Variants in UNC13C observed in about 807,000 individuals in gnomAD.
The protein encoded by UNC13C is unc-13 homolog C, also known as protein unc-13 homolog C.
Under a neutral mutation model 245.4 loss-of-function variants are expected in UNC13C, and 174 were observed. The ratio of observed to expected loss-of-function variants is 0.71; its 90% CI spans 0.63 to 0.80. The LOEUF (loss-of-function observed/expected upper bound fraction) is 0.80. Ranked by LOEUF, UNC13C falls within the 30% of genes least tolerant of loss-of-function variation. UNC13C has a pLI of 0.00. For synonymous variants in UNC13C, 992 were observed against 895.1 expected, an observed-to-expected ratio of 1.11 and a Z score of -1.93; for missense variants, 2,829 against 2,602.9, an observed-to-expected ratio of 1.09 and a Z score of -1.89.
chr15:54,480,611 A>G (rs1051193853), intron 19 of UNC13C, among the ~76,000 whole-genome samples: 34 of 151,954 alleles, frequency 2.2e-4, no homozygotes, highest in African/African-American at 8.2e-4. Context: ...TATTCAGATT[A>G]TGAATTTTCT....
At chr15:54,325,891 G>A (rs1215244152) in intron 14 of UNC13C, among the ~76,000 whole-genome samples, 1 of 151,914 alleles carries the variant, frequency 6.6e-6, no homozygotes, top group South Asian at 2.1e-4. Context: ...TTATCTGCTT[G>A]GGTAGGGATT....
At chr15:54,151,571 T>G (rs2141250850) in intron 4 of UNC13C, among the ~76,000 whole-genome samples, 1 of 152,086 alleles carries the variant, frequency 6.6e-6, no homozygotes, top group African/African-American at 2.4e-5. Context: ...CCTGGCTAAT[T>G]TTTTTGTATT....
chr15:54,555,082 G>T (rs914769272), intron 28 of UNC13C, among the ~76,000 whole-genome samples: 1 of 151,926 alleles, frequency 6.6e-6, no homozygotes, highest in African/African-American at 2.4e-5. Context: ...TCCTTTTCAT[G>T]ATTGATAGTC....
intron 14 of UNC13C, among the ~76,000 whole-genome samples, chr15:54,326,656 G>A (rs2140987179): frequency 6.6e-6 from 1 of 152,142 alleles, no homozygotes; most frequent in South Asian, 2.1e-4. Context: ...AGTGGGGAAA[G>A]GGACAGAGAG....
At chr15:54,232,651 A>G (rs2035584404) in intron 4 of UNC13C, among the ~76,000 whole-genome samples, 1 of 152,180 alleles carries the variant, frequency 6.6e-6, no homozygotes, top group Non-Finnish European at 1.5e-5. Flanking sequence ...TCTGAATTGA[A>G]TGTGTTTCTT....
intron 17 of UNC13C, among the ~76,000 whole-genome samples, chr15:54,345,164 T>C (rs983373709): frequency 2.0e-5 from 3 of 152,222 alleles, no homozygotes; most frequent in African/African-American, 7.2e-5. Flanking sequence ...GGAAGTAATG[T>C]GAGCAATGCT....
chr15:54,281,061 G>T (rs2036983602), intron 10 of UNC13C, among the ~76,000 whole-genome samples: 1 of 151,996 alleles, frequency 6.6e-6, no homozygotes, highest in Non-Finnish European at 1.5e-5. Context: ...GCCTCCCAAA[G>T]TGCTGGGATT....
intron 1 of UNC13C, among the ~76,000 whole-genome samples, chr15:54,005,108 A>T (rs1895077348): frequency 6.6e-6 from 1 of 152,146 alleles, no homozygotes; most frequent in Admixed American, 6.5e-5. Context: ...GTCCTGAGGG[A>T]TATCCTGATA....
At chr15:53,895,834 A>T in the UNC13C span, among the ~76,000 whole-genome samples, 1 of 152,082 alleles carries the variant, frequency 6.6e-6, no homozygotes, top group African/African-American at 2.4e-5. Context: ...ATGAACTAAG[A>T]CTAACATTAA....
chr15:54,302,683 G>C (rs539073585), intron 13 of UNC13C, among the ~76,000 whole-genome samples: 1 of 152,114 alleles, frequency 6.6e-6, no homozygotes, highest in African/African-American at 2.4e-5. Context: ...ATGCTGTTTG[G>C]TTTACTTAAG....
intron 18 of UNC13C, among the ~76,000 whole-genome samples, chr15:54,408,358 T>C (rs557305622): frequency 6.6e-6 from 1 of 152,064 alleles, no homozygotes; most frequent in Non-Finnish European, 1.5e-5. Flanking sequence ...TTACATCTCC[T>C]CTAAATATCA....
rs1428474297 is a variant in UNC13C at position 54,460,825 on chromosome 15, A to G, written c.4934-33783A>G. 2.6e-5 allele frequency among the ~76,000 whole-genome samples: 4 copies of G among 152,312 alleles called. No homozygotes were observed. In the East Asian group the frequency reaches 5.8e-4, roughly 22 times the overall value. ...CTCCACACACTGTTCTGTCCATCCA[A>G]GTGGGAGCTGCACGTTAGTCCTGTC... On this transcript the variant is annotated intron_variant, in intron 19 of 32. Coordinates refer to ENST00000260323, the MANE Select transcript of UNC13C (RefSeq NM_001080534.3).
intron 17 of UNC13C, among the ~76,000 whole-genome samples, chr15:54,386,048 A>G (rs2140906795): frequency 6.6e-6 from 1 of 152,250 alleles, no homozygotes; most frequent in South Asian, 2.1e-4. Flanking sequence ...CTTCTCATTC[A>G]AGATATATAA....
chr15:53,949,950 T>C, the UNC13C span, among the ~76,000 whole-genome samples: 2 of 152,248 alleles, frequency 1.3e-5, no homozygotes, highest in African/African-American at 4.8e-5. Context: ...CTCTGCTATT[T>C]GTTTTTTCAT....
intron 17 of UNC13C, among the ~76,000 whole-genome samples, chr15:54,379,937 A>T (rs537322879): frequency 6.6e-6 from 1 of 152,172 alleles, no homozygotes; most frequent in Non-Finnish European, 1.5e-5. Flanking sequence ...AAATGACTCA[A>T]TCTAGCTAAT....
intron 18 of UNC13C, among the ~76,000 whole-genome samples, chr15:54,399,613 A>G (rs1014903205): frequency 6.6e-6 from 1 of 151,872 alleles, no homozygotes; most frequent in Non-Finnish European, 1.5e-5. Context: ...CTCTGCATTA[A>G]GTGTAGATAG....
chr15:54,385,866 A>G (rs1050847316), intron 17 of UNC13C, among the ~76,000 whole-genome samples: 1 of 152,160 alleles, frequency 6.6e-6, no homozygotes, highest in African/African-American at 2.4e-5. Flanking sequence ...AGAAAAAAGA[A>G]TGCTCTAAAA....
intron 4 of UNC13C, among the ~76,000 whole-genome samples, chr15:54,177,285 G>A (rs936317466): frequency 1.3e-5 from 2 of 152,096 alleles, no homozygotes; most frequent in Non-Finnish European, 2.9e-5. Context: ...GGTACTGTAT[G>A]TATAGACTGA....
At chr15:54,588,935 C>T (rs1459542484) in intron 30 of UNC13C, among the ~76,000 whole-genome samples, 1 of 152,150 alleles carries the variant, frequency 6.6e-6, no homozygotes, top group African/African-American at 2.4e-5. Flanking sequence ...AATTGTGTTG[C>T]TATAAACATG....
Sources: allele counts gnomAD v4.1 joint callset (sites outside exome capture counted in the v4.1 genomes callset), GRCh38; gene constraint gnomAD v4.1.1; transcripts MANE v1.5; gene names NCBI Gene and HGNC (gene_info 2026-07-23, HGNC 2026-07-21).